The following DNAJA1 variants were observed in gnomAD, a reference collection of about 807,000 sequenced individuals.
The protein encoded by DNAJA1 is DnaJ heat shock protein family (Hsp40) member A1.
A neutral mutation model predicts 47.6 loss-of-function variants in DNAJA1; 26 were observed. That is an observed-to-expected ratio of 0.55 (90% CI 0.40 to 0.76). The LOEUF is 0.76. Ranked by LOEUF, DNAJA1 falls within the 30% of genes least tolerant of loss-of-function variation. The pLI is 0.00. For synonymous variants in DNAJA1, 165 were observed against 158.4 expected (o/e 1.04, Z -0.31); for missense variants, 315 against 485.0 (o/e 0.65, Z 3.29).
At position 33,034,310 on chromosome 9, in the gene DNAJA1, G is replaced by A. The variant is rs775672768; in HGVS notation, c.738G>A (p.Lys246=). The A allele has an allele frequency of 1.3e-5, 21 of 1,608,176 alleles. No homozygotes were observed. In the African/African-American group the frequency reaches 1.7e-4, roughly 13 times the overall value. ...PGDIIIVLDQ[K]DHAVFTRRGE... is the part of the protein sequence containing the mutation. ...ATATTATCATTGTGTTAGATCAGAA[G>A]GACCATGCTGTTTTTACTCGGTAAA... Residue 246 remains lysine, a synonymous_variant, in exon 6 of 9, where the codon AAG becomes AAA. Coordinates refer to ENST00000330899, the MANE Select transcript of DNAJA1 (RefSeq NM_001539.4).
intron 6 of DNAJA1, among the ~76,000 whole-genome samples, chr9:33,035,870 A>G (rs181153382): frequency 3.9e-5 from 6 of 152,350 alleles, no homozygotes; most frequent in South Asian, 2.1e-4. Context: ...TTCACTCACA[A>G]TATGCCAGGA....
At position 33,034,349 on chromosome 9, in the gene DNAJA1, C is replaced by T. The variant is rs754868792; in HGVS notation, c.758+19C>T. The T allele has an allele frequency of 4.5e-6, 7 of 1,568,990 alleles. No individual in the cohort carries two copies. Among genetic ancestry groups the T allele is most frequent in the South Asian group, 3.5e-5 (3 of 86,138 alleles). ...TTACTCGGTAAAGACTTTTATCAAC[C>T]ACTCAAATTGATATCACATATTTGG... On this transcript the variant is annotated intron_variant, in intron 6 of 8. Coordinates refer to ENST00000330899, the MANE Select transcript of DNAJA1 (RefSeq NM_001539.4).
In DNAJA1 at chr9:33,034,423, A is replaced by G. The variant is rs1839005242; in HGVS notation, c.758+93A>G. 2.6e-5 allele frequency: 23 copies of G among 882,926 alleles called. No individual in the cohort carries two copies. The Admixed American group carries it at 3.0e-4, about 12-fold the overall frequency. The allele number at this position is 882,926 out of a possible 1,614,324, so 54.7% of individuals were successfully genotyped here. A position where few individuals can be genotyped will look rare whatever the true frequency, so the allele number is the denominator to read the frequency against. On this transcript the variant is annotated intron_variant, in intron 6 of 8. Transcript: ENST00000330899. ...TTTTGTTTTTTTTAAAGTGTTTTCC[A>G]TTACTCTTAGAACCTATTTCTCAGG... is the stretch of plus-strand genomic sequence containing the variant.
At chr9:33,025,563 G>T (rs1838796695) in intron 1 of DNAJA1, among the ~76,000 whole-genome samples, 180 bp downstream of exon 1, 1 of 152,192 alleles carries the variant, frequency 6.6e-6, no homozygotes, top group South Asian at 2.1e-4. Context: ...TCCCCGGCAC[G>T]CACAGTGAAT....
At chr9:33,026,109 A>G (rs1193007240) in intron 1 of DNAJA1, among the ~76,000 whole-genome samples, 1 of 152,208 alleles carries the variant, frequency 6.6e-6, no homozygotes, top group African/African-American at 2.4e-5. Flanking sequence ...AAAGACAGTG[A>G]TAGTGTAATG....
intron 5 of DNAJA1, among the ~76,000 whole-genome samples, chr9:33,033,392 T>C (rs904620822): frequency 6.6e-5 from 10 of 152,112 alleles, no homozygotes; most frequent in African/African-American, 2.4e-4. Context: ...AAGGGGACTA[T>C]ACTGAATAGT....
At position 33,039,001 on chromosome 9, in the gene DNAJA1, T is replaced by G; in HGVS notation, c.*98T>G. 8.4e-7 allele frequency: 1 copy of G among 1,189,894 alleles called. No homozygotes were observed. The highest frequency in any genetic ancestry group is 1.2e-6 in the Non-Finnish European group (1 of 843,202). 73.7% of individuals were successfully genotyped at this position (1,189,894 alleles called of 1,614,324 possible). On this transcript the variant is annotated 3_prime_UTR_variant, in exon 9 of 9. Transcript: ENST00000330899. ...TATGCTCACTACTTGCTCTTGTTTT[T>G]GTTTTAATAAACTATAGTAGTGTTT...
At chr9:33,027,746 A>C (rs1156768132) in intron 3 of DNAJA1, among the ~76,000 whole-genome samples, 9 of 152,026 alleles carry the variant, frequency 5.9e-5, no homozygotes. Context: ...GCTCCTCTGG[A>C]GGCTGAGGCA....
chr9:33,030,580 C>T lies in DNAJA1; in HGVS notation c.556C>T (p.Arg186Trp), dbSNP rs146416874. The T allele has an allele frequency of 9.9e-6, 16 of 1,613,744 alleles. No individual in the cohort carries two copies. The highest frequency in any genetic ancestry group is 4.0e-5 in the African/African-American group (3 of 74,796). The change falls in exon 5 of 9, where the codon CGG (arginine) becomes TGG (tryptophan). Residue 186 changes from arginine (R) to tryptophan (W), a missense_variant. By Grantham distance (101) the Arg-to-Trp change is moderately radical. This residue lies in a region of DNAJA1 where 45 missense variants were observed against 93.3 expected (regional missense o/e 0.48). Transcript: ENST00000330899. The part of the protein sequence containing the change: ...VCMECQGHGE[R>W]ISPKDRCKSC... Reference sequence around the variant, plus strand: ...CATGGAGTGCCAGGGCCATGGGGAGCGGATCAGTCCTAAAGATAGATGTAA... The same window carrying T: ...CATGGAGTGCCAGGGCCATGGGGAGTGGATCAGTCCTAAAGATAGATGTAA...
Position 33,030,432 on chromosome 9 carries a change from A to G in DNAJA1, c.416-8A>G. ...TCATACATTATTTAATTTTCTTTTT[A>G]AATTTAGGTAGAGGAGGTAAGAAAG... On this transcript the variant is annotated splice_polypyrimidine_tract_variant and splice_region_variant and intron_variant, in intron 4 of 8. Coordinates refer to ENST00000330899, the MANE Select transcript of DNAJA1 (RefSeq NM_001539.4). The G allele has an allele frequency of 6.2e-7, 1 of 1,607,082 alleles. No homozygotes were observed.
intron 4 of DNAJA1, 78 bp from the exon 5 acceptor site, chr9:33,030,362 A>G: frequency 2.9e-6 from 4 of 1,356,728 alleles, no homozygotes; most frequent in Non-Finnish European, 4.1e-6. Context: ...TATAGCATTT[A>G]GGAATTGTCT....
In DNAJA1 at chr9:33,034,289, T is replaced by C. The variant is rs772723682; in HGVS notation, c.717T>C (p.Ile239=). 6.2e-7 allele frequency: 1 copy of C among 1,610,774 alleles called. No homozygotes were observed. The highest frequency in any genetic ancestry group is 1.1e-5 in the South Asian group (1 of 90,028). ...AACCAGGACTGGAGCCAGGCGATATTATCATTGTGTTAGATCAGAAGGACC... is the reference window on the plus strand; with the variant it reads ...AACCAGGACTGGAGCCAGGCGATATCATCATTGTGTTAGATCAGAAGGACC... ...DQEPGLEPGD[I]IIVLDQKDHA... Residue 239 remains isoleucine, a synonymous_variant, in exon 6 of 9, where the codon ATT becomes ATC. Transcript: ENST00000330899.
In DNAJA1 at chr9:33,030,002, TTTG is replaced by T; in HGVS notation, c.415+16_415+18del. The T allele has an allele frequency of 6.3e-7, 1 of 1,592,348 alleles. No individual in the cohort carries two copies. On this transcript the variant is annotated intron_variant, in intron 4 of 8. Coordinates refer to ENST00000330899, the MANE Select transcript of DNAJA1 (RefSeq NM_001539.4). ...GACAAATGTGAAGGTACGGTGTTTT[TTTG>T]TTTTGTTTTGTTTTGTTTTTAAGCA... is the stretch of plus-strand genomic sequence containing the variant.
chr9:33,038,785 A>T lies in DNAJA1; in HGVS notation c.1076A>T (p.Asp359Val). ...GAAGTGGAAGAGACTGATGAGATGG[A>T]CCAAGTAGAACTGGTGGACTTTGAT... ...RKEVEETDEM[D>V]QVELVDFDPN... The change falls in exon 9 of 9, where the codon GAC becomes GTC. Residue 359 changes from aspartate to valine, a missense_variant. This residue lies in a region of DNAJA1 where 162 missense variants were observed against 185.4 expected (regional missense o/e 0.87). Transcript: ENST00000330899. 2 of 1,614,156 alleles carry T rather than the reference A, an allele frequency of 1.2e-6. No individual in the cohort carries two copies. The highest frequency in any genetic ancestry group is 2.2e-5 in the East Asian group (1 of 44,880).
At chr9:33,037,405 G>C (rs1327755077) in intron 8 of DNAJA1, 4 of 233,644 alleles carry the variant, frequency 1.7e-5, no homozygotes, top group African/African-American at 9.2e-5. Context: ...ATCTGGCCAC[G>C]TGCCACTGGC....
chr9:33,030,947 C>G (rs1363930921), intron 5 of DNAJA1, among the ~76,000 whole-genome samples: 1 of 152,196 alleles, frequency 6.6e-6, no homozygotes, highest in Non-Finnish European at 1.5e-5. Context: ...GTGTTCCAAA[C>G]TTAATTCTCT....
rs531258329 is a variant in DNAJA1 at position 33,029,941 on chromosome 9, A to G, written c.367A>G (p.Thr123Ala). ...VTLEDLYNGA[T>A]RKLALQKNVI... Reference sequence around the variant, plus strand: ...CCTAGAAGACTTATATAATGGTGCAACAAGAAAACTGGCTCTGCAAAAGAA... The same window carrying G: ...CCTAGAAGACTTATATAATGGTGCAGCAAGAAAACTGGCTCTGCAAAAGAA... Residue 123 changes from threonine (T) to alanine (A), a missense_variant, in exon 4 of 9, where the codon ACA (threonine) becomes GCA (alanine). Physicochemically the swap from Thr to Ala is moderately conservative, Grantham distance 58. Around this residue, in one of 4 missense-constraint regions of DNAJA1, gnomAD observed 100 missense variants for 163.0 expected, o/e 0.61. Transcript: ENST00000330899. 7.4e-6 allele frequency: 12 copies of G among 1,613,596 alleles called. No homozygotes were observed. The highest frequency in any genetic ancestry group is 1.3e-5 in the African/African-American group (1 of 75,058).
At chr9:33,025,622 C>T (rs1462083355) in intron 1 of DNAJA1, among the ~76,000 whole-genome samples, 8 of 152,212 alleles carry the variant, frequency 5.3e-5, no homozygotes, top group African/African-American at 1.2e-4. Context: ...CCTGGGATCT[C>T]CAAGGAGCTA....
intron 5 of DNAJA1, 51 bp from the exon 6 acceptor site, chr9:33,034,165 G>A: frequency 1.6e-6 from 2 of 1,270,930 alleles, no homozygotes; most frequent in Non-Finnish European, 2.2e-6. Flanking sequence ...TTATGATTCT[G>A]ACCTTAGTTG....
Sources: allele counts gnomAD v4.1 joint callset (sites outside exome capture counted in the v4.1 genomes callset), GRCh38; gene constraint gnomAD v4.1.1; regional missense constraint gnomAD v4.1.1; transcripts MANE v1.5; gene names NCBI Gene and HGNC (gene_info 2026-07-23, HGNC 2026-07-21).